Variants in CFH observed in about 807,000 individuals in gnomAD.
CFH encodes H factor 1 (complement).
In CFH, 53 loss-of-function variants were observed where a neutral mutation model predicts 147.3. The observed-to-expected ratio is 0.36, with a 90% CI of 0.29 to 0.45. The LOEUF (loss-of-function observed/expected upper bound fraction) is 0.45, where lower values mean the gene tolerates loss of function less well. CFH is among the 20% of genes least tolerant of loss of function. The probability of loss-of-function intolerance (pLI) is 1.00; values close to 1 mark genes in which losing one functional copy is unlikely to be tolerated. For missense variants in CFH, 1,380 were observed against 1,498.0 expected (o/e 0.92, Z 1.30); for synonymous variants, 536 against 489.4 (o/e 1.10, Z -1.26).
At chr1:196,733,017 A>G (rs569404567) in intron 15 of CFH, among the ~76,000 whole-genome samples, 1 of 152,116 alleles carries the variant, frequency 6.6e-6, no homozygotes, top group African/African-American at 2.4e-5. Context: ...AGGAATGCAG[A>G]TCTCTATCAT....
At chr1:196,666,580 C>T (rs570186390) in intron 1 of CFH, among the ~76,000 whole-genome samples, 11 of 151,196 alleles carry the variant, frequency 7.3e-5, no homozygotes, top group South Asian at 2.1e-4. Flanking sequence ...TTTGGGAGGC[C>T]GAGGTCAGGA....
intron 15 of CFH, among the ~76,000 whole-genome samples, chr1:196,735,189 C>T (rs1300427033): frequency 6.6e-6 from 1 of 151,932 alleles, no homozygotes; most frequent in Non-Finnish European, 1.5e-5. Flanking sequence ...TGTGGTTTGT[C>T]TGTTGATGAT....
intron 12 of CFH, among the ~76,000 whole-genome samples, chr1:196,725,749 A>G (rs899294848): frequency 1.1e-4 from 17 of 152,290 alleles, no homozygotes; most frequent in African/African-American, 3.4e-4. Context: ...AGAGCAGGGC[A>G]GTGACAGGCT....
Position 196,690,220 on chromosome 1 carries a change from T to A in CFH, c.1317T>A (p.Thr439=). ...VTCMENGWSP[T]PRCIRVKTCS... Reference sequence around the variant, plus strand: ...GTATGGAGAATGGCTGGTCTCCTACTCCCAGATGCATCCGTGTCAGTAAGT... The same window carrying A: ...GTATGGAGAATGGCTGGTCTCCTACACCCAGATGCATCCGTGTCAGTAAGT... The change falls in exon 9 of 22, where the codon ACT becomes ACA. Residue 439 remains threonine (T), a synonymous_variant. Transcript: ENST00000367429. The A allele has an allele frequency of 1.2e-6, 2 of 1,613,350 alleles. No homozygotes were observed. Among genetic ancestry groups the A allele is most frequent in the Non-Finnish European group, 1.7e-6 (2 of 1,179,576 alleles).
rs3043112 is a variant in CFH, at chr1:196,714,597, A to ATGTGTG, written c.1519+700_1519+705dup. 4.6e-3 allele frequency among the ~76,000 whole-genome samples: 479 copies of ATGTGTG among 103,906 alleles called. 15 individuals are homozygous for ATGTGTG. The highest frequency in any genetic ancestry group is 0.017 in the African/African-American group (431 of 25,072). 68.2% of individuals were successfully genotyped at this position (103,906 alleles called of 152,430 possible). On this transcript the variant is annotated intron_variant, in intron 10 of 21. Coordinates refer to ENST00000367429, the MANE Select transcript of CFH (RefSeq NM_000186.4). Reference sequence around the variant, plus strand: ...ATTTTTTGCAAAACCACTCAGTAATATGTGTGTGTGTGTGTGTGTGTGTGT... The same window carrying ATGTGTG: ...ATTTTTTGCAAAACCACTCAGTAATATGTGTGTGTGTGTGTGTGTGTGTGTGTGTGT...
At chr1:196,686,436 A>G (rs1667829519) in intron 7 of CFH, among the ~76,000 whole-genome samples, 1 of 152,136 alleles carries the variant, frequency 6.6e-6, no homozygotes, top group Non-Finnish European at 1.5e-5. Flanking sequence ...ACTCAAGTCA[A>G]TAGAGTATTT....
intron 11 of CFH, among the ~76,000 whole-genome samples, chr1:196,719,784 T>C (rs900346781): frequency 6.6e-6 from 1 of 151,712 alleles, no homozygotes; most frequent in Non-Finnish European, 1.5e-5. Context: ...TAAACATTGA[T>C]ATAAATAGTA....
At chr1:196,732,402 T>C (rs1485620421) in intron 15 of CFH, among the ~76,000 whole-genome samples, 2 of 152,032 alleles carry the variant, frequency 1.3e-5, no homozygotes, top group Non-Finnish European at 2.9e-5. Context: ...GCTCTCTTGG[T>C]CTCAGTGAGT....
Position 196,677,848 on chromosome 1 carries a change from A to C in CFH, c.619+181A>C, listed in dbSNP as rs982057991. On this transcript the variant is annotated intron_variant, in intron 5 of 21. Transcript: ENST00000367429. ...GCATCATTTCATTTTAACTTTCAAA[A>C]AACTCCATGATTTACTTACTCATCA... 8.2e-6 allele frequency: 5 copies of C among 607,500 alleles called. No individual in the cohort carries two copies. The African/African-American group carries it at 9.3e-5, about 11-fold the overall frequency. The allele number at this position is 607,500 out of a possible 1,614,324, so 37.6% of individuals were successfully genotyped here. A position where few individuals can be genotyped will look rare whatever the true frequency, so the allele number is the denominator to read the frequency against.
intron 7 of CFH, among the ~76,000 whole-genome samples, chr1:196,687,220 A>G (rs1375285734): frequency 6.6e-6 from 1 of 152,080 alleles, no homozygotes; most frequent in Non-Finnish European, 1.5e-5. Flanking sequence ...CAACTTTATG[A>G]TGGAAACACC....
intron 1 of CFH, among the ~76,000 whole-genome samples, chr1:196,661,595 A>T (rs1249460586): frequency 6.6e-6 from 1 of 152,158 alleles, no homozygotes; most frequent in African/African-American, 2.4e-5. Context: ...CACACATCCC[A>T]AATCATGACA....
rs1489560995 is a variant in CFH at position 196,726,904 on chromosome 1, A to T, written c.2200A>T (p.Ile734Phe). Reference protein sequence around the residue: ...TMIGHRSITCIHGVWTQLPQC... With the variant: ...TMIGHRSITCFHGVWTQLPQC... The stretch of plus-strand genomic sequence containing the variant: ...GATTGGACACAGATCAATTACGTGT[A>T]TTCATGGAGTATGGACCCAACTTCC... Residue 734 changes from isoleucine to phenylalanine, a missense_variant, in exon 14 of 22, where the codon ATT (isoleucine) becomes TTT (phenylalanine). Physicochemically the swap from Ile to Phe is conservative, Grantham distance 21 (BLOSUM62 0). Coordinates refer to ENST00000367429, the MANE Select transcript of CFH (RefSeq NM_000186.4). 2.5e-6 allele frequency: 4 copies of T among 1,613,600 alleles called. No individual in the cohort carries two copies. The highest frequency in any genetic ancestry group is 3.4e-6 in the Non-Finnish European group (4 of 1,179,732).
At chr1:196,707,547 A>C (rs191955670) in intron 9 of CFH, among the ~76,000 whole-genome samples, 1 of 152,288 alleles carries the variant, frequency 6.6e-6, no homozygotes, top group East Asian at 1.9e-4. Context: ...GAAAGAGGCC[A>C]TGCAAAGCAT....
chr1:196,737,092 T>C, intron 16 of CFH, 86 bp downstream of exon 16: 5 of 1,148,302 alleles, frequency 4.4e-6, no homozygotes, highest in Non-Finnish European at 6.4e-6. Flanking sequence ...AGAGAAGTTC[T>C]TTCTCTGTGT....
intron 5 of CFH, 143 bp downstream of exon 5, chr1:196,677,810 A>G: frequency 1.3e-6 from 1 of 774,798 alleles, no homozygotes; most frequent in Admixed American, 2.1e-5. Context: ...TAATTGAGCT[A>G]AGTTCTTTGC....
At position 196,708,098 on chromosome 1, in the gene CFH, A is replaced by T. The variant is rs78055847; in HGVS notation, c.1337-5637A>T. 2.0e-5 allele frequency among the ~76,000 whole-genome samples: 3 copies of T among 152,260 alleles called. No individual in the cohort carries two copies. In the East Asian group the frequency reaches 5.8e-4, roughly 29 times the overall value. Reference sequence around the variant, plus strand: ...GACATTCTAAAATTTAGAAATGGTCACTCTTGTTTTAAAACTTCTAATTAT... The same window carrying T: ...GACATTCTAAAATTTAGAAATGGTCTCTCTTGTTTTAAAACTTCTAATTAT... On this transcript the variant is annotated intron_variant, in intron 9 of 21. Coordinates refer to ENST00000367429, the MANE Select transcript of CFH (RefSeq NM_000186.4).
chr1:196,745,821 T>C lies in CFH; in HGVS notation c.3315T>C (p.Ser1105=), dbSNP rs202090237. The change falls in exon 21 of 22, where the codon TCT becomes TCC. Residue 1105 remains serine (S), a synonymous_variant. Transcript: ENST00000367429. ...NWTEPPQCKD[S]TGKCGPPPPI... Reference sequence around the variant, plus strand: ...TGATGAAATGATGTTTTTTAGATTCTACAGGAAAATGTGGGCCCCCTCCAC... The same window carrying C: ...TGATGAAATGATGTTTTTTAGATTCCACAGGAAAATGTGGGCCCCCTCCAC... 5 of 1,613,994 alleles carry C rather than the reference T, an allele frequency of 3.1e-6. No homozygotes were observed. Among genetic ancestry groups the C allele is most frequent in the South Asian group, 1.1e-5 (1 of 91,086 alleles).
At chr1:196,665,747 A>G (rs1667061768) in intron 1 of CFH, among the ~76,000 whole-genome samples, 1 of 152,292 alleles carries the variant, frequency 6.6e-6, no homozygotes, top group Non-Finnish European at 1.5e-5. Flanking sequence ...AGCTGGGATT[A>G]CAGGCATGTG....
intron 11 of CFH, among the ~76,000 whole-genome samples, chr1:196,717,922 T>C (rs891834247): frequency 1.3e-5 from 2 of 152,026 alleles, no homozygotes; most frequent in African/African-American, 2.4e-5. Flanking sequence ...AGCAGTAACG[T>C]TGGAAAATGG....
Sources: allele counts gnomAD v4.1 joint callset (sites outside exome capture counted in the v4.1 genomes callset), GRCh38; gene constraint gnomAD v4.1.1; transcripts MANE v1.5; gene names NCBI Gene and HGNC (gene_info 2026-07-23, HGNC 2026-07-21).